The following NR1H3 variants were observed in gnomAD, a reference collection of about 807,000 sequenced individuals.
NR1H3 encodes nuclear receptor subfamily 1 group H member 3.
A neutral mutation model predicts 48.1 loss-of-function variants in NR1H3; 19 were observed. The ratio of observed to expected loss-of-function variants is 0.40; its 90% CI spans 0.28 to 0.58. The LOEUF is 0.58. NR1H3 is among the 20% of genes least tolerant of loss of function. The pLI is 0.50. For missense variants in NR1H3, 486 were observed against 595.9 expected (o/e 0.82, Z 1.92); for synonymous variants, 232 against 227.3 (o/e 1.02, Z -0.19).
upstream of NR1H3, among the ~76,000 whole-genome samples, chr11:47,255,390 G>A (rs564291336): frequency 2.0e-5 from 3 of 152,290 alleles, no homozygotes; most frequent in Non-Finnish European, 4.4e-5. Flanking sequence ...GGTTTGTGCT[G>A]TGTATGGAAA....
Position 47,268,654 on chromosome 11 carries a change from G to A in NR1H3, c.1302G>A (p.Lys434=). 1 of 1,614,196 alleles carries A rather than the reference G, an allele frequency of 6.2e-7. No individual in the cohort carries two copies. The highest frequency in any genetic ancestry group is 8.5e-7 in the Non-Finnish European group (1 of 1,180,044). ...TTGCACTGCGTCTGCAGGACAAAAA[G>A]CTCCCACCGCTGCTCTCTGAGATCT... ...QVFALRLQDK[K]LPPLLSEIWD... The change falls in exon 10 of 10, where the codon AAG becomes AAA. Residue 434 remains lysine, a synonymous_variant. Coordinates refer to ENST00000441012, the MANE Select transcript of NR1H3 (RefSeq NM_005693.4).
Position 47,268,335 on chromosome 11 carries a change from G to T in NR1H3, c.1177G>T (p.Val393Phe). 1 of 1,614,044 alleles carries T rather than the reference G, an allele frequency of 6.2e-7. No homozygotes were observed. Among genetic ancestry groups the T allele is most frequent in the South Asian group, 1.1e-5 (1 of 91,068 alleles). ...ATATGTGGAAGCCCTGCATGCCTACGTCTCCATCCACCATCCCCATGTGAG... is the reference window on the plus strand; with the variant it reads ...ATATGTGGAAGCCCTGCATGCCTACTTCTCCATCCACCATCCCCATGTGAG... ...HTYVEALHAY[V>F]SIHHPHDRLM... The change falls in exon 9 of 10, where the codon GTC becomes TTC. Residue 393 changes from valine (V) to phenylalanine (F), a missense_variant. Physicochemically the swap from Val to Phe is conservative, Grantham distance 50. Coordinates refer to ENST00000441012, the MANE Select transcript of NR1H3 (RefSeq NM_005693.4).
At chr11:47,251,275 A>G (rs1040462364) in intron 1 of NR1H3, among the ~76,000 whole-genome samples, 17 of 152,206 alleles carry the variant, frequency 1.1e-4, no homozygotes, top group Admixed American at 5.2e-4. Flanking sequence ...AATCCTTTCA[A>G]TAAAGAGGTA....
rs141930764 is a variant in NR1H3, at chr11:47,267,306, C to T, written c.989-607C>T. Among the ~76,000 whole-genome samples, 5 of 151,810 alleles carry T rather than the reference C, an allele frequency of 3.3e-5. No individual in the cohort carries two copies. The East Asian group carries it at 9.7e-4, about 29-fold the overall frequency. ...TGGGTGATAGAACAAGACCCTGTCT[C>T]AAAGAAAAAAAACAAGAATACCAGA... On this transcript the variant is annotated intron_variant, in intron 7 of 9. Coordinates refer to ENST00000441012, the MANE Select transcript of NR1H3 (RefSeq NM_005693.4).
chr11:47,261,332 C>T lies in NR1H3; in HGVS notation c.591C>T (p.Ser197=). ...AHATSLPPRA[S]SPPQILPQLS... is the part of the protein sequence containing the mutation. Reference sequence around the variant, plus strand: ...CCACATCCTTGCCCCCCAGGGCTTCCTCACCCCCCCAAATCCTGCCCCAGC... The same window carrying T: ...CCACATCCTTGCCCCCCAGGGCTTCTTCACCCCCCCAAATCCTGCCCCAGC... The change falls in exon 5 of 10, where the codon TCC becomes TCT. Residue 197 remains serine (S), a synonymous_variant. Coordinates refer to ENST00000441012, the MANE Select transcript of NR1H3 (RefSeq NM_005693.4). The T allele has an allele frequency of 6.2e-7, 1 of 1,614,080 alleles. No individual in the cohort carries two copies. Among genetic ancestry groups the T allele is most frequent in the Non-Finnish European group, 8.5e-7 (1 of 1,180,008 alleles).
rs368338876 is a variant in NR1H3 at position 47,267,885 on chromosome 11, T to C, written c.989-28T>C. 6 of 1,496,442 alleles carry C rather than the reference T, an allele frequency of 4.0e-6. No homozygotes were observed. The African/African-American group carries it at 8.3e-5, about 21-fold the overall frequency. The allele number at this position is 1,496,442 out of a possible 1,614,324, so 92.7% of individuals were successfully genotyped here. A position where few individuals can be genotyped will look rare whatever the true frequency, so the allele number is the denominator to read the frequency against. On this transcript the variant is annotated intron_variant, in intron 7 of 9. Transcript: ENST00000441012. ...GAAAGTTCCTGCTGCTCCTGCTGCTTGCGTCAGCCTCCCTTCTTCCTCCCC... is the reference window on the plus strand; with the variant it reads ...GAAAGTTCCTGCTGCTCCTGCTGCTCGCGTCAGCCTCCCTTCTTCCTCCCC...
intron 4 of NR1H3, 48 bp from the exon 5 acceptor site, chr11:47,261,193 C>T: frequency 6.7e-7 from 1 of 1,501,478 alleles, no homozygotes; most frequent in Non-Finnish European, 9.2e-7. Context: ...CCCCTTGCCC[C>T]ATCCTTTCCC....
chr11:47,254,710 C>T (rs1220346038), upstream of NR1H3, among the ~76,000 whole-genome samples: 1 of 152,076 alleles, frequency 6.6e-6, no homozygotes, highest in African/African-American at 2.4e-5. Context: ...GCAACAGCAC[C>T]CAGCCTGCTG....
upstream of NR1H3, among the ~76,000 whole-genome samples, chr11:47,255,591 TTCTTTC>T (rs1392024885): frequency 1.3e-3 from 75 of 59,450 alleles, no homozygotes; most frequent in African/African-American, 5.0e-3. Flanking sequence ...CTTTCTTTCT[TTCTTTC>T]TCTCTCTCTC....
chr11:47,266,530 C>T (rs886260055), intron 7 of NR1H3, among the ~76,000 whole-genome samples: 5 of 152,028 alleles, frequency 3.3e-5, no homozygotes, highest in Admixed American at 6.6e-5. Context: ...GACCGGGTTT[C>T]ACTGTGTTGC....
Position 47,260,652 on chromosome 11 carries a change from G to C in NR1H3, c.476G>C (p.Arg159Pro). 1 of 1,605,110 alleles carries C rather than the reference G, an allele frequency of 6.2e-7. No individual in the cohort carries two copies. Among genetic ancestry groups the C allele is most frequent in the Non-Finnish European group, 8.5e-7 (1 of 1,178,296 alleles). ...KCQECRLRKC[R>P]QAGMREECVL... is the part of the protein sequence containing the mutation. ...CAGGAGTGTCGGCTTCGCAAATGCC[G>C]TCAGGCTGGCATGCGGGAGGAGTGT... The change falls in exon 4 of 10, where the codon CGT (arginine) becomes CCT (proline). Residue 159 changes from arginine to proline, a missense_variant. Coordinates refer to ENST00000441012, the MANE Select transcript of NR1H3 (RefSeq NM_005693.4).
chr11:47,249,773 TCTC>T (rs1270530277), intron 1 of NR1H3, among the ~76,000 whole-genome samples: 2 of 151,998 alleles, frequency 1.3e-5, no homozygotes, highest in African/African-American at 4.8e-5. Flanking sequence ...TGGAAGCAAA[TCTC>T]CTCAGATCTT....
rs766271635 is a variant in NR1H3, at chr11:47,261,396, G to A, written c.655G>A (p.Ala219Thr). ...EQLGMIEKLVAAQQQCNRRSF... is the reference protein window; with the variant it reads ...EQLGMIEKLVTAQQQCNRRSF... ...ACTGGGCATGATCGAGAAGCTCGTCGCTGCCCAGCAACAGTGTAACCGGCG... is the reference window on the plus strand; with the variant it reads ...ACTGGGCATGATCGAGAAGCTCGTCACTGCCCAGCAACAGTGTAACCGGCG... The change falls in exon 5 of 10, where the codon GCT becomes ACT. Residue 219 changes from alanine to threonine, a missense_variant. By Grantham distance (58) the Ala-to-Thr change is moderately conservative (BLOSUM62 0). Transcript: ENST00000441012. The A allele has an allele frequency of 6.8e-6, 11 of 1,613,954 alleles. No homozygotes were observed. The highest frequency in any genetic ancestry group is 1.6e-4 in the Middle Eastern group (1 of 6,084).
At chr11:47,259,664 A>G (rs1955617381) in intron 2 of NR1H3, 127 bp from the exon 3 acceptor site, 3 of 1,524,922 alleles carry the variant, frequency 2.0e-6, no homozygotes, top group South Asian at 2.5e-5. Context: ...TAGGGTCCCA[A>G]AGCCTGAGCT....
chr11:47,249,963 AGTGGCGTGCTCCT>A, intron 1 of NR1H3, among the ~76,000 whole-genome samples: 1 of 151,822 alleles, frequency 6.6e-6, no homozygotes, highest in South Asian at 2.1e-4. Flanking sequence ...AGCCGGGTGC[AGTGGCGTGCTCCT>A]GTAATCCCAG....
At chr11:47,251,450 A>G (rs966897559) in intron 1 of NR1H3, among the ~76,000 whole-genome samples, 3 of 151,996 alleles carry the variant, frequency 2.0e-5, no homozygotes, top group African/African-American at 7.3e-5. Flanking sequence ...CATCTCTACT[A>G]AAAATACAAA....
At chr11:47,265,802 G>T (rs545418865) in intron 7 of NR1H3, among the ~76,000 whole-genome samples, 1 of 152,156 alleles carries the variant, frequency 6.6e-6, no homozygotes, top group Non-Finnish European at 1.5e-5. Context: ...AACCTGGGAG[G>T]CAGAGCTTGC....
intron 1 of NR1H3, among the ~76,000 whole-genome samples, chr11:47,249,596 A>T (rs988150472): frequency 6.6e-6 from 1 of 152,168 alleles, no homozygotes; most frequent in Admixed American, 6.5e-5. Flanking sequence ...GGACAGGCGC[A>T]TATCATAAAG....
intron 6 of NR1H3, 52 bp from the exon 7 acceptor site, chr11:47,261,867 C>T: frequency 6.3e-7 from 1 of 1,596,472 alleles, no homozygotes; most frequent in African/African-American, 1.3e-5. Context: ...AGAGGCCATG[C>T]TCCAAGACCA....
Sources: gnomAD v4.1 joint callset for allele counts (sites outside exome capture counted in the v4.1 genomes callset) on GRCh38, gnomAD v4.1.1 for gene constraint, MANE v1.5 for transcripts, NCBI Gene and HGNC (gene_info 2026-07-23, HGNC 2026-07-21) for gene names.